The following NTNG1 variants were observed in gnomAD, a reference collection of about 807,000 sequenced individuals.
NTNG1 encodes netrin G1, also known as netrin-G1.
In NTNG1, 16 loss-of-function variants were observed where a neutral mutation model predicts 54.0. That is an observed-to-expected ratio of 0.30 (90% CI 0.20 to 0.45). The LOEUF (loss-of-function observed/expected upper bound fraction) is 0.45, where lower values mean the gene tolerates loss of function less well. NTNG1 is among the 20% of genes least tolerant of loss of function. The pLI is 1.00. For synonymous variants in NTNG1, 255 were observed against 263.1 expected (o/e 0.97, Z 0.30); for missense variants, 530 against 678.7 (o/e 0.78, Z 2.43).
At chr1:107,250,029 GTTA>G (rs961474661) in intron 2 of NTNG1, among the ~76,000 whole-genome samples, 1 of 152,058 alleles carries the variant, frequency 6.6e-6, no homozygotes, top group Non-Finnish European at 1.5e-5. Context: ...TGCTTTTCTT[GTTA>G]TATAAAAGGA....
At chr1:107,400,042 TTA>T (rs1672918475) in intron 4 of NTNG1, among the ~76,000 whole-genome samples, 1 of 152,188 alleles carries the variant, frequency 6.6e-6, no homozygotes, top group Admixed American at 6.5e-5. Flanking sequence ...GATCTTAGTA[TTA>T]TTGATTTAGT....
At chr1:107,206,675 A>T (rs1400134053) in intron 2 of NTNG1, among the ~76,000 whole-genome samples, 1 of 152,196 alleles carries the variant, frequency 6.6e-6, no homozygotes, top group Non-Finnish European at 1.5e-5. Flanking sequence ...TTCCTGAAAA[A>T]TCAAATATGT....
chr1:107,328,508 C>T (rs1039324285), intron 3 of NTNG1, among the ~76,000 whole-genome samples: 3 of 152,068 alleles, frequency 2.0e-5, no homozygotes, highest in Admixed American at 6.6e-5. Context: ...AGATGAGGGG[C>T]AAGAGGAGAA....
intron 7 of NTNG1, among the ~76,000 whole-genome samples, chr1:107,441,762 T>G (rs767470821): frequency 6.6e-6 from 1 of 152,056 alleles, no homozygotes; most frequent in Non-Finnish European, 1.5e-5. Flanking sequence ...ATAAAGAATG[T>G]CAAAGTTTCA....
At chr1:107,457,242 A>G (rs1677005504) in intron 7 of NTNG1, among the ~76,000 whole-genome samples, 1 of 152,232 alleles carries the variant, frequency 6.6e-6, no homozygotes, top group Non-Finnish European at 1.5e-5. Context: ...CCATACACCT[A>G]TCATTCAGCT....
intron 2 of NTNG1, among the ~76,000 whole-genome samples, chr1:107,263,547 G>C (rs573567430): frequency 4.8e-4 from 73 of 152,290 alleles, no homozygotes; most frequent in Non-Finnish European, 8.2e-4. Flanking sequence ...AGGTTGCTTA[G>C]TGGAGTGAGG....
chr1:107,329,765 C>T (rs1367196248), intron 3 of NTNG1, among the ~76,000 whole-genome samples: 1 of 152,098 alleles, frequency 6.6e-6, no homozygotes, highest in Non-Finnish European at 1.5e-5. Flanking sequence ...TTCTTCCTTT[C>T]TGTCATCCAT....
intron 2 of NTNG1, among the ~76,000 whole-genome samples, chr1:107,267,405 G>C (rs182441665): frequency 6.6e-6 from 1 of 152,266 alleles, no homozygotes; most frequent in East Asian, 1.9e-4. Context: ...ATGAAGAAAG[G>C]CTCTGAGGTG....
chr1:107,216,567 T>G (rs2101428216), intron 2 of NTNG1, among the ~76,000 whole-genome samples: 1 of 152,308 alleles, frequency 6.6e-6, no homozygotes, highest in Admixed American at 6.5e-5. Flanking sequence ...TGTTAAGGAT[T>G]TTTACATTTA....
At chr1:107,169,982 T>C (rs1050745629) in intron 2 of NTNG1, among the ~76,000 whole-genome samples, 4 of 152,208 alleles carry the variant, frequency 2.6e-5, no homozygotes, top group Non-Finnish European at 4.4e-5. Context: ...AAGACTCAAC[T>C]CTGCTTCTAA....
chr1:107,158,479 T>C (rs1655164613), intron 2 of NTNG1, among the ~76,000 whole-genome samples: 1 of 152,158 alleles, frequency 6.6e-6, no homozygotes, highest in African/African-American at 2.4e-5. Flanking sequence ...TTGAACTAAG[T>C]GTTGCTCCAG....
At chr1:107,376,400 TCC>T (rs1359930831) in intron 3 of NTNG1, among the ~76,000 whole-genome samples, 14 of 139,652 alleles carry the variant, frequency 1.0e-4, no homozygotes, top group Non-Finnish European at 2.0e-4. Context: ...AGAGTGAGAC[TCC>T]GTCTCAAAAC....
intron 7 of NTNG1, 39 bp from the exon 8 acceptor site, chr1:107,480,572 C>CCCCCCCCCCCCCCCCCCCCACA: frequency 1.8e-6 from 1 of 568,012 alleles, no homozygotes; most frequent in Non-Finnish European, 3.4e-6. Flanking sequence ...CTTCTCCTCC[C>CCCCCCCCCCCCCCCCCCCCACA]CGCGCCCACC....
intron 2 of NTNG1, among the ~76,000 whole-genome samples, chr1:107,194,536 C>G (rs1404813054): frequency 6.6e-6 from 1 of 151,892 alleles, no homozygotes; most frequent in Non-Finnish European, 1.5e-5. Flanking sequence ...AGAGACAGCC[C>G]CAGTTACTGG....
At chr1:107,297,647 T>C (rs1666066050) in intron 2 of NTNG1, among the ~76,000 whole-genome samples, 1 of 152,034 alleles carries the variant, frequency 6.6e-6, no homozygotes, top group African/African-American at 2.4e-5. Context: ...TGTAATAAAT[T>C]TGTCTCTCCC....
intron 2 of NTNG1, among the ~76,000 whole-genome samples, chr1:107,262,720 A>T (rs530926972): frequency 6.6e-6 from 1 of 152,340 alleles, no homozygotes; most frequent in South Asian, 2.1e-4. Context: ...CTTTTCTGTG[A>T]GTGTATTTGT....
At chr1:107,412,181 A>C (rs1436291394) in intron 5 of NTNG1, among the ~76,000 whole-genome samples, 2 of 151,882 alleles carry the variant, frequency 1.3e-5, no homozygotes, top group Non-Finnish European at 2.9e-5. Flanking sequence ...AGCTTAAGCA[A>C]AAACTTGCCA....
chr1:107,467,148 T>C (rs540580779), intron 7 of NTNG1, among the ~76,000 whole-genome samples: 3 of 152,292 alleles, frequency 2.0e-5, no homozygotes. Flanking sequence ...TAATAAGAGC[T>C]CTTGTTTATT....
chr1:107,457,950 C>T (rs1431271510), intron 7 of NTNG1, among the ~76,000 whole-genome samples: 1 of 151,992 alleles, frequency 6.6e-6, no homozygotes, highest in Non-Finnish European at 1.5e-5. Flanking sequence ...GAGAATGAGC[C>T]CGTCCTCAGC....
Sources: gnomAD v4.1 joint callset for allele counts (sites outside exome capture counted in the v4.1 genomes callset) on GRCh38, gnomAD v4.1.1 for gene constraint, MANE v1.5 for transcripts, NCBI Gene and HGNC (gene_info 2026-07-23, HGNC 2026-07-21) for gene names.